Variants in G3BP1 observed in about 807,000 individuals in gnomAD.
G3BP1 encodes G3BP stress granule assembly factor 1.
A neutral mutation model predicts 58.6 loss-of-function variants in G3BP1; 35 were observed. That is an observed-to-expected ratio of 0.60 (90% confidence interval 0.46 to 0.79). The LOEUF is 0.79. Among genes scored for constraint, G3BP1 ranks in the 30% least tolerant of loss-of-function variants. The pLI is 0.00. For missense variants in G3BP1, 523 were observed against 580.8 expected, an observed-to-expected ratio of 0.90 and a Z score of 1.02; for synonymous variants, 191 against 195.4, an observed-to-expected ratio of 0.98 and a Z score of 0.19.
intron 1 of G3BP1, among the ~76,000 whole-genome samples, chr5:151,778,076 TTG>T (rs1561530249): frequency 6.6e-6 from 1 of 152,206 alleles, no homozygotes; most frequent in Admixed American, 6.5e-5. Flanking sequence ...GTACAAGTCT[TTG>T]TATGGGTATA....
chr5:151,797,939 C>T (rs1762784730), intron 7 of G3BP1, among the ~76,000 whole-genome samples: 1 of 152,020 alleles, frequency 6.6e-6, no homozygotes, highest in South Asian at 2.1e-4. Flanking sequence ...TGAGTCTCGT[C>T]AGGGTGATTG....
chr5:151,772,242 C>T (rs932107394), intron 1 of G3BP1: 11 of 147,066 alleles, frequency 7.5e-5, no homozygotes, highest in Non-Finnish European at 1.1e-4. Flanking sequence ...CCGGCTGGGG[C>T]GCGTGGCCGT....
chr5:151,788,823 G>T (rs1762598269), intron 2 of G3BP1, among the ~76,000 whole-genome samples: 1 of 151,504 alleles, frequency 6.6e-6, no homozygotes, highest in African/African-American at 2.4e-5. Flanking sequence ...TGTTGACCAG[G>T]CTGGAGTGCA....
At position 151,811,569 on chromosome 5, in the gene G3BP1, A is replaced by G. The variant is rs1487082968; in HGVS notation, c.*7478A>G. ...TGTATATGGATGGTTCAATAAATATACTTTTATATACATGTTTCACAGAAA... is the reference window on the plus strand; with the variant it reads ...TGTATATGGATGGTTCAATAAATATGCTTTTATATACATGTTTCACAGAAA... On this transcript the variant is annotated 3_prime_UTR_variant, in exon 12 of 12. Transcript: ENST00000356245. 20 of 152,118 alleles carry G rather than the reference A, an allele frequency of 1.3e-4. No individual in the cohort carries two copies. The highest frequency in any genetic ancestry group is 1.3e-3 in the Admixed American group (20 of 15,260). The allele number at this position is 152,118 out of a possible 1,614,324, so 9.4% of individuals were successfully genotyped here.
intron 2 of G3BP1, chr5:151,786,998 A>C: frequency 9.5e-6 from 2 of 210,382 alleles, no homozygotes; most frequent in South Asian, 1.8e-4. Flanking sequence ...GCCCACAACC[A>C]TGCCCGGCTA....
chr5:151,791,311 T>C, intron 4 of G3BP1: 4 of 297,786 alleles, frequency 1.3e-5, no homozygotes, highest in South Asian at 7.7e-5. Flanking sequence ...TGTAGTACAG[T>C]TATCAAATTC....
intron 3 of G3BP1, 58 bp downstream of exon 3, chr5:151,790,462 T>G: frequency 1.2e-6 from 1 of 865,884 alleles, no homozygotes; most frequent in South Asian, 1.7e-5. Context: ...CTCATAAAAT[T>G]GAAGTGGATC....
Position 151,809,105 on chromosome 5 carries a change from G to A in G3BP1, c.*5014G>A, listed in dbSNP as rs1453031436. The A allele has an allele frequency of 1.3e-5, 2 of 152,274 alleles. No homozygotes were observed. The highest frequency in any genetic ancestry group is 2.9e-5 in the Non-Finnish European group (2 of 68,092). 9.4% of individuals were successfully genotyped at this position (152,274 alleles called of 1,614,324 possible). A position where few individuals can be genotyped will look rare whatever the true frequency, so the allele number is the denominator to read the frequency against. ...GGCAGGAGATTGCTTGAGCCCAGGAGTTGGAGGCTGCAGTGAGTTATGATC... is the reference window on the plus strand; with the variant it reads ...GGCAGGAGATTGCTTGAGCCCAGGAATTGGAGGCTGCAGTGAGTTATGATC... On this transcript the variant is annotated 3_prime_UTR_variant, in exon 12 of 12. Coordinates refer to ENST00000356245, the MANE Select transcript of G3BP1 (RefSeq NM_005754.3).
intron 6 of G3BP1, among the ~76,000 whole-genome samples, chr5:151,796,800 G>A (rs1411628649): frequency 1.3e-5 from 2 of 152,012 alleles, no homozygotes; most frequent in African/African-American, 4.8e-5. Context: ...CAGATATCTA[G>A]GACTTTTCAC....
intron 1 of G3BP1, among the ~76,000 whole-genome samples, chr5:151,774,085 A>G (rs113327321): frequency 6.6e-6 from 1 of 152,240 alleles, no homozygotes; most frequent in African/African-American, 2.4e-5. Flanking sequence ...GGAACAAGTG[A>G]ATTGAAGCAA....
chr5:151,775,026 A>T (rs1458962398), intron 1 of G3BP1, among the ~76,000 whole-genome samples: 1 of 152,220 alleles, frequency 6.6e-6, no homozygotes, highest in East Asian at 1.9e-4. Flanking sequence ...GGAATAATTC[A>T]CACACACGAA....
At chr5:151,775,127 C>T (rs920946873) in intron 1 of G3BP1, among the ~76,000 whole-genome samples, 2 of 152,108 alleles carry the variant, frequency 1.3e-5, no homozygotes, top group African/African-American at 2.4e-5. Flanking sequence ...GGTCTTTAGG[C>T]GACTTTGTGA....
intron 11 of G3BP1, among the ~76,000 whole-genome samples, chr5:151,802,207 G>A (rs1158504640): frequency 1.3e-5 from 2 of 152,130 alleles, no homozygotes; most frequent in Admixed American, 6.5e-5. Context: ...ATTTATTTTT[G>A]TGAAGCATCT....
chr5:151,797,532 A>T lies in G3BP1; in HGVS notation c.741+104A>T, dbSNP rs574208002. 5 of 1,238,286 alleles carry T rather than the reference A, an allele frequency of 4.0e-6. No individual in the cohort carries two copies. In the Admixed American group the frequency reaches 1.1e-4, roughly 27 times the overall value. The allele number at this position is 1,238,286 out of a possible 1,614,324, so 76.7% of individuals were successfully genotyped here. A position where few individuals can be genotyped will look rare whatever the true frequency, so the allele number is the denominator to read the frequency against. ...TTGGTTGACTTGTAGATACATTTTC[A>T]TATTGGTGGTTCATTTCAGGGAAAT... is the stretch of plus-strand genomic sequence containing the variant. On this transcript the variant is annotated intron_variant, in intron 7 of 11. Transcript: ENST00000356245.
chr5:151,792,859 C>G (rs1345676563), intron 4 of G3BP1, among the ~76,000 whole-genome samples: 1 of 152,126 alleles, frequency 6.6e-6, no homozygotes, highest in Non-Finnish European at 1.5e-5. Flanking sequence ...AAGCAGTTCT[C>G]CTACCTCAGC....
chr5:151,804,007 T>A lies in G3BP1; in HGVS notation c.1317T>A (p.Gly439=), dbSNP rs202229424. Residue 439 remains glycine, a synonymous_variant, in exon 12 of 12, where the codon GGT becomes GGA. Coordinates refer to ENST00000356245, the MANE Select transcript of G3BP1 (RefSeq NM_005754.3). ...RGPGGPRGGL[G]GGMRGPPRGG... ...CTGGAGGCCCTCGAGGTGGGCTGGG[T>A]GGTGGAATGAGAGGCCCTCCCCGTG... 61 of 1,611,428 alleles carry A rather than the reference T, an allele frequency of 3.8e-5. No homozygotes were observed. The East Asian group carries it at 1.2e-3, about 32-fold the overall frequency.
At chr5:151,786,023 G>T (rs1267987822) in intron 1 of G3BP1, among the ~76,000 whole-genome samples, 1 of 152,230 alleles carries the variant, frequency 6.6e-6, no homozygotes, top group African/African-American at 2.4e-5. Context: ...ACCAGGTGCT[G>T]TGGCTCACGC....
At chr5:151,803,846 C>A in intron 11 of G3BP1, 39 bp from the exon 12 acceptor site, 1 of 1,323,078 alleles carries the variant, frequency 7.6e-7, no homozygotes, top group South Asian at 1.2e-5. Flanking sequence ...ATAGCCAGCT[C>A]ATCAGTACTC....
At position 151,776,675 on chromosome 5, in the gene G3BP1, G is replaced by A. The variant is rs529994431; in HGVS notation, c.-50+4639G>A. Among the ~76,000 whole-genome samples the A allele has an allele frequency of 4.0e-5, 6 of 151,580 alleles. No individual in the cohort carries two copies. In the South Asian group the frequency reaches 1.2e-3, roughly 32 times the overall value. On this transcript the variant is annotated intron_variant, in intron 1 of 11. Transcript: ENST00000356245. The stretch of plus-strand genomic sequence containing the variant: ...TTTCATTTATATCACTATAGACCAC[G>A]GATATTAATTTTATTCTTTGGGTTG...
Sources: gnomAD v4.1 joint callset for allele counts (sites outside exome capture counted in the v4.1 genomes callset) on GRCh38, gnomAD v4.1.1 for gene constraint, MANE v1.5 for transcripts, NCBI Gene and HGNC (gene_info 2026-07-23, HGNC 2026-07-21) for gene names.